Variants in BTBD10 observed in about 807,000 individuals in gnomAD.
The protein encoded by BTBD10 is BTB/POZ domain-containing protein 10.
Under a neutral mutation model 53.2 loss-of-function variants are expected in BTBD10, and 21 were observed. That is an observed-to-expected ratio of 0.39 (90% CI 0.28 to 0.57). BTBD10 has a LOEUF of 0.57. Ranked by LOEUF, BTBD10 falls within the 20% of genes least tolerant of loss-of-function variation. The pLI, the probability that BTBD10 is intolerant of heterozygous loss-of-function variation, is 0.53. For synonymous variants in BTBD10, 149 were observed against 192.7 expected, an observed-to-expected ratio of 0.77 and a Z score of 1.88; for missense variants, 360 against 594.7, an observed-to-expected ratio of 0.61 and a Z score of 4.10.
At chr11:13,421,889 A>C (rs1313666477) in intron 2 of BTBD10, 51 bp from the exon 3 acceptor site, 1 of 1,416,344 alleles carries the variant, frequency 7.1e-7, no homozygotes, top group Non-Finnish European at 9.5e-7. Flanking sequence ...ATAAGATTGG[A>C]AACATTTTAA....
At chr11:13,422,007 C>T (rs1950250923) in intron 2 of BTBD10, among the ~76,000 whole-genome samples, 169 bp from the exon 3 acceptor site, 1 of 152,136 alleles carries the variant, frequency 6.6e-6, no homozygotes. Flanking sequence ...TTTAAAAATT[C>T]TGGAATAACG....
chr11:13,418,087 TAA>T (rs1565245515), intron 4 of BTBD10, among the ~76,000 whole-genome samples: 2 of 152,108 alleles, frequency 1.3e-5, no homozygotes, highest in African/African-American at 2.4e-5. Flanking sequence ...ACGGTTGAAC[TAA>T]GTTTTCTACT....
intron 2 of BTBD10, among the ~76,000 whole-genome samples, chr11:13,443,395 T>C (rs575271628): frequency 5.9e-5 from 9 of 152,208 alleles, no homozygotes; most frequent in Non-Finnish European, 1.2e-4. Flanking sequence ...ACTGTATGTA[T>C]GTAGCTTTTA....
At chr11:13,409,416 C>T (rs1026052467) in intron 6 of BTBD10, among the ~76,000 whole-genome samples, 2 of 152,182 alleles carry the variant, frequency 1.3e-5, no homozygotes, top group South Asian at 4.1e-4. Context: ...TTTGTTCATA[C>T]TGAATCCCCA....
In BTBD10 at chr11:13,421,842, A is replaced by G. The variant is rs771207945; in HGVS notation, c.102-4T>C. The G allele has an allele frequency of 1.3e-6, 2 of 1,593,358 alleles. No individual in the cohort carries two copies. The highest frequency in any genetic ancestry group is 1.7e-6 in the Non-Finnish European group (2 of 1,168,032). On this transcript the variant is annotated splice_region_variant and splice_polypyrimidine_tract_variant and intron_variant, in intron 2 of 8. Coordinates refer to ENST00000278174, the MANE Select transcript of BTBD10 (RefSeq NM_032320.7). Reference sequence around the variant, plus strand: ...TTTAGCAATACGCGAGGAAGTACTGATAAGTTAGAAAGGAAAATTAACCAT... The same window carrying G: ...TTTAGCAATACGCGAGGAAGTACTGGTAAGTTAGAAAGGAAAATTAACCAT...
intron 2 of BTBD10, 37 bp downstream of exon 2, chr11:13,444,987 A>C: frequency 6.6e-7 from 1 of 1,513,932 alleles, no homozygotes; most frequent in African/African-American, 1.4e-5. Context: ...AGTTTTTAGC[A>C]GAGCTTTCAT....
intron 2 of BTBD10, among the ~76,000 whole-genome samples, chr11:13,437,254 A>AT (rs1369331892): frequency 6.6e-6 from 1 of 152,224 alleles, no homozygotes; most frequent in Non-Finnish European, 1.5e-5. Flanking sequence ...GAGGAAGAAG[A>AT]TGGGAAGCCA....
chr11:13,404,124 T>C (rs976923584), intron 7 of BTBD10, among the ~76,000 whole-genome samples: 2 of 152,162 alleles, frequency 1.3e-5, no homozygotes, highest in African/African-American at 2.4e-5. Context: ...TGGGGTAAAT[T>C]TGTGATTATT....
chr11:13,422,464 A>G (rs1950262855), intron 2 of BTBD10, among the ~76,000 whole-genome samples: 1 of 152,190 alleles, frequency 6.6e-6, no homozygotes, highest in African/African-American at 2.4e-5. Flanking sequence ...CCTGGCCAAC[A>G]TGGCAAAACC....
At chr11:13,434,530 G>C (rs1016282386) in intron 2 of BTBD10, among the ~76,000 whole-genome samples, 1 of 152,220 alleles carries the variant, frequency 6.6e-6, no homozygotes, top group African/African-American at 2.4e-5. Flanking sequence ...ATGTTAAAAA[G>C]GTAGAGCTTA....
At chr11:13,402,017 G>A (rs1949725097) in intron 8 of BTBD10, among the ~76,000 whole-genome samples, 1 of 152,068 alleles carries the variant, frequency 6.6e-6, no homozygotes, top group South Asian at 2.1e-4. Context: ...TTCTTCTCAG[G>A]AGGCCTTCCC....
chr11:13,422,329 GAT>G (rs1950259434), intron 2 of BTBD10, among the ~76,000 whole-genome samples: 1 of 151,318 alleles, frequency 6.6e-6, no homozygotes, highest in African/African-American at 2.5e-5. Flanking sequence ...AAAACACTAT[GAT>G]TTTTTTTTTA....
At chr11:13,422,428 G>A (rs1289706948) in intron 2 of BTBD10, among the ~76,000 whole-genome samples, 4 of 151,950 alleles carry the variant, frequency 2.6e-5, no homozygotes, top group Admixed American at 1.3e-4. Flanking sequence ...CGGGTGAATC[G>A]CTTGAGGTCA....
chr11:13,422,946 A>C (rs928305741), intron 2 of BTBD10, among the ~76,000 whole-genome samples: 13 of 152,212 alleles, frequency 8.5e-5, no homozygotes, highest in Non-Finnish European at 1.6e-4. Context: ...GCAGAACTTT[A>C]AACAATTCAA....
At chr11:13,398,868 GC>G (rs1416049207) in intron 8 of BTBD10, among the ~76,000 whole-genome samples, 1 of 152,078 alleles carries the variant, frequency 6.6e-6, no homozygotes, top group African/African-American at 2.4e-5. Flanking sequence ...TTGAATATTG[GC>G]CCCCACTCTC....
At chr11:13,454,486 C>T (rs1369717018) in intron 1 of BTBD10, among the ~76,000 whole-genome samples, 1 of 152,136 alleles carries the variant, frequency 6.6e-6, no homozygotes, top group Non-Finnish European at 1.5e-5. Flanking sequence ...TAAAACAAGA[C>T]AAGCTTAGCT....
intron 8 of BTBD10, among the ~76,000 whole-genome samples, chr11:13,398,823 A>G (rs1949631240): frequency 6.6e-6 from 1 of 152,170 alleles, no homozygotes. Flanking sequence ...GCTGGATATG[A>G]AATTCTGGGT....
At chr11:13,401,773 G>A (rs1409463985) in intron 8 of BTBD10, among the ~76,000 whole-genome samples, 1 of 152,190 alleles carries the variant, frequency 6.6e-6, no homozygotes, top group Non-Finnish European at 1.5e-5. Context: ...CACTTGGCCA[G>A]TATACTCCTT....
At chr11:13,396,222 T>C (rs531142351) in intron 8 of BTBD10, among the ~76,000 whole-genome samples, 2 of 152,280 alleles carry the variant, frequency 1.3e-5, no homozygotes, top group South Asian at 2.1e-4. Flanking sequence ...CACTGAGCAG[T>C]GGTTTGTAGT....
Sources: gnomAD v4.1 joint callset for allele counts (sites outside exome capture counted in the v4.1 genomes callset) on GRCh38, gnomAD v4.1.1 for gene constraint, MANE v1.5 for transcripts, NCBI Gene and HGNC (gene_info 2026-07-23, HGNC 2026-07-21) for gene names.